NSMCE4A: variants seen among roughly 807,000 people sequenced by gnomAD.
NSMCE4A encodes the protein non-structural maintenance of chromosomes element 4 homolog A.
A neutral mutation model predicts 47.9 loss-of-function variants in NSMCE4A; 40 were observed. The ratio of observed to expected loss-of-function variants is 0.83; its 90% CI spans 0.65 to 1.09. The LOEUF is 1.09. Ranked by LOEUF, NSMCE4A falls within the 50% of genes least tolerant of loss-of-function variation. The probability of loss-of-function intolerance (pLI) is 0.00; values close to 1 mark genes in which losing one functional copy is unlikely to be tolerated. For missense variants in NSMCE4A, 500 were observed against 507.0 expected, an observed-to-expected ratio of 0.99 and a Z score of 0.13; for synonymous variants, 166 against 178.5, an observed-to-expected ratio of 0.93 and a Z score of 0.56.
rs1345780818 is a variant in NSMCE4A at position 121,960,471 on chromosome 10, TG to T, written c.940-66del. The T allele has an allele frequency of 8.5e-7, 1 of 1,175,414 alleles. No individual in the cohort carries two copies. The highest frequency in any genetic ancestry group is 1.6e-5 in the African/African-American group (1 of 61,506). 72.8% of individuals were successfully genotyped at this position (1,175,414 alleles called of 1,614,324 possible). ...AAGACTCAAACCTATACGCACTAGA[TG>T]GAAAAAATTACTCAGAAAATTCAGT... On this transcript the variant is annotated intron_variant, in intron 7 of 10. Coordinates refer to ENST00000369023, the MANE Select transcript of NSMCE4A (RefSeq NM_017615.3). The surrounding 1 kb of genome is among the most constrained non-coding windows in gnomAD (Gnocchi z 4.2).
Position 121,974,956 on chromosome 10 carries a change from C to G in NSMCE4A, c.210G>C (p.Pro70=), listed in dbSNP as rs758211515. The part of the protein sequence containing the change: ...PSDSGDEMMD[P]ASLEAEADQG... ...GGTCGGCCTCCGCCTCCAAGCTGGC[C>G]GGGTCCATCATCTCGTCCCCGGAAT... Residue 70 remains proline (P), a synonymous_variant, in exon 1 of 11, where the codon CCG becomes CCC. Transcript: ENST00000369023. 38 of 1,532,810 alleles carry G rather than the reference C, an allele frequency of 2.5e-5. No homozygotes were observed. The South Asian group carries it at 4.6e-4, about 19-fold the overall frequency. 95.0% of individuals were successfully genotyped at this position (1,532,810 alleles called of 1,614,324 possible). A position where few individuals can be genotyped will look rare whatever the true frequency, so the allele number is the denominator to read the frequency against.
chr10:121,970,476 G>GAAAAAAA (rs57421744), intron 3 of NSMCE4A, among the ~76,000 whole-genome samples: 2 of 101,914 alleles, frequency 2.0e-5, no homozygotes, highest in African/African-American at 4.1e-5. Context: ...TGTCTCAAAG[G>GAAAAAAA]AAAAAAAAAA....
In NSMCE4A at chr10:121,965,320, G is replaced by T. The variant is rs754530724; in HGVS notation, c.719C>A (p.Pro240His). 6.2e-7 allele frequency: 1 copy of T among 1,613,700 alleles called. No individual in the cohort carries two copies. Among genetic ancestry groups the T allele is most frequent in the African/African-American group, 1.3e-5 (1 of 74,912 alleles). The change falls in exon 5 of 11, where the codon CCT becomes CAT. Residue 240 changes from proline (P) to histidine (H), a missense_variant. Physicochemically the swap from Pro to His is moderately conservative, Grantham distance 77. Coordinates refer to ENST00000369023, the MANE Select transcript of NSMCE4A (RefSeq NM_017615.3). ...CATTGCCCTCTCCTCTTGTATCACA[G>T]GAACTTTTCTTGGACGATCAACTCG... Reference protein sequence around the residue: ...KPRVDRPRKVPVIQEERAMPA... With the variant: ...KPRVDRPRKVHVIQEERAMPA...
intron 3 of NSMCE4A, among the ~76,000 whole-genome samples, chr10:121,968,844 C>T (rs955856192): frequency 3.9e-5 from 6 of 152,134 alleles, no homozygotes; most frequent in Admixed American, 6.5e-5. Flanking sequence ...CCTTGCCGCC[C>T]GAACTACCAC....
chr10:121,959,810 AGAGT>A (rs2134733351), intron 8 of NSMCE4A: 2 of 572,004 alleles, frequency 3.5e-6, no homozygotes, highest in East Asian at 5.9e-5. Context: ...AACATGTAGT[AGAGT>A]AACACATTCC....
chr10:121,962,112 A>G, intron 6 of NSMCE4A: 1 of 173,076 alleles, frequency 5.8e-6, no homozygotes, highest in Non-Finnish European at 1.2e-5. Flanking sequence ...TGTCTCCTAA[A>G]AAAAAAAAAA....
At chr10:121,972,934 C>A (rs1449965596) in intron 2 of NSMCE4A, among the ~76,000 whole-genome samples, 1 of 152,112 alleles carries the variant, frequency 6.6e-6, no homozygotes, top group Non-Finnish European at 1.5e-5. Context: ...ACGTTCTAGT[C>A]CTTTAAGAAT....
chr10:121,975,129 G>A lies in NSMCE4A; in HGVS notation c.37C>T (p.Arg13Trp), dbSNP rs1590797582. ...GDSSGRGPEGRGRGRDPHRDR... is the reference protein window; with the variant it reads ...GDSSGRGPEGWGRGRDPHRDR... ...CGATGCGGGTCGCGGCCCCGGCCCCGGCCCTCTGGCCCGCGGCCGCTGCTG... is the reference window on the plus strand; with the variant it reads ...CGATGCGGGTCGCGGCCCCGGCCCCAGCCCTCTGGCCCGCGGCCGCTGCTG... The change falls in exon 1 of 11, where the codon CGG (arginine) becomes TGG (tryptophan). Residue 13 changes from arginine (R) to tryptophan (W), a missense_variant. Arg to Trp is a moderately radical substitution (Grantham distance 101, BLOSUM62 -3). Coordinates refer to ENST00000369023, the MANE Select transcript of NSMCE4A (RefSeq NM_017615.3). The A allele has an allele frequency of 1.4e-6, 2 of 1,412,116 alleles. No individual in the cohort carries two copies. Among genetic ancestry groups the A allele is most frequent in the African/African-American group, 1.5e-5 (1 of 65,738 alleles). 87.5% of individuals were successfully genotyped at this position (1,412,116 alleles called of 1,614,324 possible).
At chr10:121,974,111 T>G in intron 1 of NSMCE4A, 30 bp from the exon 2 acceptor site, 1 of 1,555,496 alleles carries the variant, frequency 6.4e-7, no homozygotes, top group Non-Finnish European at 8.8e-7. Flanking sequence ...CTTTGGGAAA[T>G]TTGTTCAGCA....
At chr10:121,969,501 TAAAA>T (rs35005382) in intron 3 of NSMCE4A, among the ~76,000 whole-genome samples, 4 of 138,198 alleles carry the variant, frequency 2.9e-5, no homozygotes, top group Non-Finnish European at 6.2e-5. Context: ...AAAAAAAAGT[TAAAA>T]AAAAAAAAAA....
Position 121,960,439 on chromosome 10 carries a change from A to G in NSMCE4A, c.940-33T>C, listed in dbSNP as rs757404224. On this transcript the variant is annotated intron_variant, in intron 7 of 10. Transcript: ENST00000369023. This position sits in a 1 kb window ranked among gnomAD's most constrained non-coding sequence, Gnocchi z 4.2. ...GAAAACATGATTTTAGGAGAAGACA[A>G]ACATTTAAGACTCAAACCTATACGC... 2 of 1,482,676 alleles carry G rather than the reference A, an allele frequency of 1.3e-6. No individual in the cohort carries two copies. Among genetic ancestry groups the G allele is most frequent in the Non-Finnish European group, 1.8e-6 (2 of 1,119,902 alleles). 91.8% of individuals were successfully genotyped at this position (1,482,676 alleles called of 1,614,324 possible).
intron 10 of NSMCE4A, among the ~76,000 whole-genome samples, chr10:121,958,140 A>G (rs1403005927): frequency 6.6e-6 from 1 of 152,114 alleles, no homozygotes; most frequent in Non-Finnish European, 1.5e-5. Context: ...AAGCAGGAGA[A>G]TTGCTTGAAC....
Position 121,965,396 on chromosome 10 carries a change from G to T in NSMCE4A, c.654-11C>A. 6.3e-7 allele frequency: 1 copy of T among 1,583,192 alleles called. No individual in the cohort carries two copies. ...TATATTGAACCCAACCTAATGAAAA[G>T]TATGCTTTCATTTATTTTTTTTGCC... On this transcript the variant is annotated splice_polypyrimidine_tract_variant and intron_variant, in intron 4 of 10. Coordinates refer to ENST00000369023, the MANE Select transcript of NSMCE4A (RefSeq NM_017615.3).
chr10:121,965,262 T>A (rs1486269831), intron 5 of NSMCE4A, 24 bp downstream of exon 5: 5 of 1,541,186 alleles, frequency 3.2e-6, no homozygotes, highest in Non-Finnish European at 4.4e-6. Context: ...TGTGTTTTTT[T>A]AAAAGCAACA....
chr10:121,965,967 C>T (rs917610322), intron 4 of NSMCE4A: 1 of 152,204 alleles, frequency 6.6e-6, no homozygotes, highest in East Asian at 1.9e-4. Context: ...GTGGTCCCTA[C>T]CCTTGAGGAG....
At chr10:121,962,376 G>A (rs1342163933) in intron 6 of NSMCE4A, among the ~76,000 whole-genome samples, 5 of 149,676 alleles carry the variant, frequency 3.3e-5, no homozygotes, top group Admixed American at 6.7e-5. Flanking sequence ...CCAAGATCGC[G>A]CCACTGCACT....
intron 8 of NSMCE4A, chr10:121,959,876 G>C (rs1432179203): frequency 2.2e-6 from 1 of 464,426 alleles, no homozygotes; most frequent in South Asian, 2.4e-5. Context: ...CTAAGCCCTA[G>C]TGAGTCCAAT....
chr10:121,974,156 C>G (rs1376112128), intron 1 of NSMCE4A, 75 bp from the exon 2 acceptor site: 2 of 1,386,730 alleles, frequency 1.4e-6, no homozygotes, highest in East Asian at 2.5e-5. Flanking sequence ...TTATCACCTG[C>G]AACAGTAAAG....
Position 121,965,348 on chromosome 10 carries a change from G to T in NSMCE4A, c.691C>A (p.Pro231Thr). The T allele has an allele frequency of 6.2e-7, 1 of 1,613,894 alleles. No homozygotes were observed. Residue 231 changes from proline to threonine, a missense_variant, in exon 5 of 11, where the codon CCA becomes ACA. Pro to Thr is a conservative substitution (Grantham distance 38, BLOSUM62 -1). Coordinates refer to ENST00000369023, the MANE Select transcript of NSMCE4A (RefSeq NM_017615.3). Reference sequence around the variant, plus strand: ...ACTTTTCTTGGACGATCAACTCGTGGCTTTGGCACAGGGCACTCTCCGTAT... The same window carrying T: ...ACTTTTCTTGGACGATCAACTCGTGTCTTTGGCACAGGGCACTCTCCGTAT... ...SIYGECPVPK[P>T]RVDRPRKVPV...
Sources: gnomAD v4.1 joint callset for allele counts (sites outside exome capture counted in the v4.1 genomes callset) on GRCh38, gnomAD v4.1.1 for gene constraint, Gnocchi (gnomAD v3.1) non-coding constraint, MANE v1.5 for transcripts, NCBI Gene and HGNC (gene_info 2026-07-23, HGNC 2026-07-21) for gene names.